The following SNAP91 variants were observed in gnomAD, a reference collection of about 807,000 sequenced individuals.
SNAP91 encodes the protein synaptosome associated protein 91, also known as clathrin coat assembly protein AP180.
In SNAP91, 27 loss-of-function variants were observed where a neutral mutation model predicts 100.3. The observed-to-expected ratio is 0.27, with a 90% CI of 0.20 to 0.37. The LOEUF is 0.37. Among genes scored for constraint, SNAP91 ranks in the 10% least tolerant of loss-of-function variants. The probability of loss-of-function intolerance (pLI) is 1.00; values close to 1 mark genes in which losing one functional copy is unlikely to be tolerated. For missense variants in SNAP91, 986 were observed against 1,123.7 expected, an observed-to-expected ratio of 0.88 and a Z score of 1.75; for synonymous variants, 404 against 398.6, an observed-to-expected ratio of 1.01 and a Z score of -0.16.
At chr6:83,650,994 G>A (rs1459966522) in intron 7 of SNAP91, among the ~76,000 whole-genome samples, 3 of 152,152 alleles carry the variant, frequency 2.0e-5, no homozygotes, top group Non-Finnish European at 4.4e-5. Context: ...TAGATAGACT[G>A]TATCTTTCAA....
chr6:83,611,690 G>A (rs1011965751), intron 11 of SNAP91, among the ~76,000 whole-genome samples: 2 of 151,196 alleles, frequency 1.3e-5, no homozygotes, highest in African/African-American at 4.9e-5. Flanking sequence ...TATATGCCAA[G>A]TTAATATCTT....
At chr6:83,694,966 A>G (rs2099178555) in intron 2 of SNAP91, among the ~76,000 whole-genome samples, 1 of 152,088 alleles carries the variant, frequency 6.6e-6, no homozygotes, top group South Asian at 2.1e-4. Context: ...GCGTACACAT[A>G]CTTTAAAAAA....
intron 2 of SNAP91, among the ~76,000 whole-genome samples, chr6:83,674,540 C>A (rs916599321): frequency 1.3e-5 from 2 of 152,110 alleles, no homozygotes; most frequent in African/African-American, 2.4e-5. Flanking sequence ...CAACAAAACA[C>A]CAAAGAAAAG....
intron 7 of SNAP91, among the ~76,000 whole-genome samples, chr6:83,651,356 C>A (rs1207250367): frequency 6.6e-6 from 1 of 152,024 alleles, no homozygotes; most frequent in African/African-American, 2.4e-5. Context: ...TTAGATCTTT[C>A]TTCTTTTCTA....
At chr6:83,705,507 G>A (rs1361773391) in intron 2 of SNAP91, among the ~76,000 whole-genome samples, 1 of 152,030 alleles carries the variant, frequency 6.6e-6, no homozygotes, top group Non-Finnish European at 1.5e-5. Flanking sequence ...CTGGTTAAAA[G>A]CTATGAAAGT....
chr6:83,620,705 GT>G (rs111238933), intron 9 of SNAP91, among the ~76,000 whole-genome samples: 99 of 146,490 alleles, frequency 6.8e-4, no homozygotes, highest in South Asian at 4.1e-3. Context: ...CTATGAACAG[GT>G]TTTTTTTTTT....
intron 10 of SNAP91, among the ~76,000 whole-genome samples, chr6:83,616,340 GA>G (rs898557259): frequency 2.0e-5 from 3 of 148,040 alleles, no homozygotes; most frequent in African/African-American, 5.0e-5. Flanking sequence ...GATGGAAAAA[GA>G]AAAAAAAAGG....
intron 4 of SNAP91, 125 bp from the exon 5 acceptor site, chr6:83,661,729 C>T: frequency 2.2e-6 from 1 of 457,088 alleles, no homozygotes. Context: ...ATAACTGTAT[C>T]AGATAGATCT....
chr6:83,707,804 G>T lies in SNAP91; in HGVS notation c.124C>A (p.Leu42Met), dbSNP rs748317793. 6.2e-7 allele frequency: 1 copy of T among 1,613,218 alleles called. No individual in the cohort carries two copies. The highest frequency in any genetic ancestry group is 8.5e-7 in the Non-Finnish European group (1 of 1,179,626). The part of the protein sequence containing the change: ...HEVMGPKKKH[L>M]DYLIQATNET... The stretch of plus-strand genomic sequence containing the variant: ...TATATAAAGAGATGCTTACAGTCCA[G>T]GTGCTTTTTCTTGGGGCCCATTACT... The change falls in exon 2 of 30, where the codon CTG (leucine) becomes ATG (methionine). Residue 42 changes from leucine (L) to methionine (M), a missense_variant. Physicochemically the swap from Leu to Met is conservative, Grantham distance 15. Around this residue, in one of 4 missense-constraint regions of SNAP91, gnomAD observed 330 missense variants for 447.5 expected, o/e 0.74. Coordinates refer to ENST00000369694, the MANE Select transcript of SNAP91 (RefSeq NM_001242792.2).
intron 6 of SNAP91, among the ~76,000 whole-genome samples, chr6:83,658,746 T>G (rs565879326): frequency 1.4e-4 from 22 of 152,364 alleles, no homozygotes; most frequent in Non-Finnish European, 2.8e-4. Flanking sequence ...GTCACTATCC[T>G]GCTCAGAACA....
At chr6:83,587,407 A>G (rs1018327174) in intron 22 of SNAP91, among the ~76,000 whole-genome samples, 2 of 152,162 alleles carry the variant, frequency 1.3e-5, no homozygotes, top group African/African-American at 4.8e-5. Context: ...AGGCAATCAC[A>G]GGATTCTAGA....
intron 2 of SNAP91, among the ~76,000 whole-genome samples, chr6:83,684,561 G>C (rs891070967): frequency 1.3e-5 from 2 of 151,924 alleles, no homozygotes; most frequent in African/African-American, 4.8e-5. Flanking sequence ...GTCACACTCT[G>C]TATACACCTT....
At chr6:83,623,127 T>C (rs890758570) in intron 9 of SNAP91, among the ~76,000 whole-genome samples, 174 bp downstream of exon 9, 1 of 152,134 alleles carries the variant, frequency 6.6e-6, no homozygotes, top group East Asian at 1.9e-4. Flanking sequence ...TCCTATTACC[T>C]CCAGAAATAT....
intron 2 of SNAP91, among the ~76,000 whole-genome samples, chr6:83,677,619 C>T (rs1007929017): frequency 4.6e-5 from 7 of 152,154 alleles, no homozygotes; most frequent in Admixed American, 1.3e-4. Context: ...AGGGTTTGTG[C>T]ACAGCTTGTT....
chr6:83,678,968 G>C (rs534219987), intron 2 of SNAP91: 1 of 912,124 alleles, frequency 1.1e-6, no homozygotes, highest in Non-Finnish European at 1.4e-6. Context: ...AAATACAGCT[G>C]GCCTTCTATA....
intron 21 of SNAP91, 115 bp downstream of exon 21, chr6:83,592,340 G>A (rs2093879036): frequency 3.1e-6 from 2 of 645,694 alleles, no homozygotes; most frequent in Admixed American, 6.4e-5. Flanking sequence ...TTACATTTAA[G>A]AGACAGAATT....
chr6:83,627,842 CATTTATTT>C (rs1042183109), intron 8 of SNAP91, among the ~76,000 whole-genome samples: 4 of 151,538 alleles, frequency 2.6e-5, no homozygotes, highest in African/African-American at 9.7e-5. Context: ...GTGTCAATTT[CATTTATTT>C]ATTTATTTAA....
In SNAP91 at chr6:83,593,215, C is replaced by A. The variant is rs1269789121; in HGVS notation, c.1741G>T (p.Asp581Tyr). The A allele has an allele frequency of 1.3e-6, 2 of 1,596,744 alleles. No individual in the cohort carries two copies. Among genetic ancestry groups the A allele is most frequent in the East Asian group, 2.3e-5 (1 of 44,412 alleles). The change falls in exon 19 of 30, where the codon GAT (aspartate) becomes TAT (tyrosine). Residue 581 changes from aspartate (D) to tyrosine (Y), a missense_variant. Transcript: ENST00000369694. ...TPEVAAAPKP[D>Y]AAPSIDLFST... ...AACAGGTCTATGCTAGGAGCAGCAT[C>A]TGGCTTAGGCGCTGCAGCAACTTCA...
chr6:83,570,566 A>AGGGGGG (rs1805417641), intron 26 of SNAP91, among the ~76,000 whole-genome samples: 1 of 143,580 alleles, frequency 7.0e-6, no homozygotes, highest in African/African-American at 2.7e-5. Flanking sequence ...CGGGGGGGGA[A>AGGGGGG]GTGGTTTCAT....
Sources: gnomAD v4.1 joint callset for allele counts (sites outside exome capture counted in the v4.1 genomes callset) on GRCh38, gnomAD v4.1.1 for gene constraint, gnomAD v4.1.1 regional missense constraint, MANE v1.5 for transcripts, NCBI Gene and HGNC (gene_info 2026-07-23, HGNC 2026-07-21) for gene names.